The following ERRFI1 variants were observed in gnomAD, a reference collection of about 807,000 sequenced individuals.
ERRFI1 encodes mitogen-inducible gene 6 protein.
ERRFI1 carries 12 observed loss-of-function variants against 14.6 expected under a neutral mutation model. The observed-to-expected ratio is 0.82, with a 90% confidence interval of 0.53 to 1.33. ERRFI1 has a LOEUF of 1.33. Ranked by LOEUF, ERRFI1 falls within the 40% of genes most tolerant of loss-of-function variation. The pLI is 0.00. For synonymous variants in ERRFI1, 202 were observed against 209.9 expected (o/e 0.96, Z 0.32); for missense variants, 482 against 572.1 (o/e 0.84, Z 1.61).
Position 8,015,340 on chromosome 1 carries a change from T to G in ERRFI1, c.170A>C (p.Asn57Thr), listed in dbSNP as rs1187742737. 4 of 1,614,010 alleles carry G rather than the reference T, an allele frequency of 2.5e-6. No homozygotes were observed. Among genetic ancestry groups the G allele is most frequent in the Admixed American group, 1.7e-5 (1 of 60,008 alleles). Reference sequence around the variant, plus strand: ...TATTAGGCGCTCCTGAGCAGAAGAGTTCAGACTGTAGGCCATGGTTATCGG... The same window carrying G: ...TATTAGGCGCTCCTGAGCAGAAGAGGTCAGACTGTAGGCCATGGTTATCGG... ...IDPITMAYSLNSSAQERLIPL... is the reference protein window; with the variant it reads ...IDPITMAYSLTSSAQERLIPL... Residue 57 changes from asparagine (N) to threonine (T), a missense_variant, in exon 3 of 4, where the codon AAC becomes ACC. Asn to Thr is a moderately conservative substitution (Grantham distance 65). Transcript: ENST00000377482.
At chr1:8,024,204 T>C (rs1211265096) in intron 1 of ERRFI1, among the ~76,000 whole-genome samples, 2 of 152,196 alleles carry the variant, frequency 1.3e-5, no homozygotes, top group African/African-American at 4.8e-5. Context: ...GGAAGTATTA[T>C]CTAGCTCAAC....
intron 1 of ERRFI1, among the ~76,000 whole-genome samples, chr1:8,017,703 C>T (rs1048638615): frequency 6.6e-6 from 1 of 152,140 alleles, no homozygotes; most frequent in East Asian, 1.9e-4. Flanking sequence ...TGAAAGCACA[C>T]GTTTGAAGAT....
At chr1:8,015,713 G>C (rs1375002838) in intron 1 of ERRFI1, 21 bp from the exon 2 acceptor site, 2 of 1,497,182 alleles carry the variant, frequency 1.3e-6, no homozygotes, top group Admixed American at 1.9e-5. Context: ...GAAGAGATGA[G>C]AGAATAAAGA....
chr1:8,022,827 T>C (rs553251039), intron 1 of ERRFI1, among the ~76,000 whole-genome samples: 1 of 152,312 alleles, frequency 6.6e-6, no homozygotes, highest in South Asian at 2.1e-4. Context: ...CAAATATTTA[T>C]CAAGTGCTTA....
chr1:8,014,167 A>C lies in ERRFI1; in HGVS notation c.432T>G (p.Pro144=). 1 of 1,614,092 alleles carries C rather than the reference A, an allele frequency of 6.2e-7. No homozygotes were observed. The highest frequency in any genetic ancestry group is 8.5e-7 in the Non-Finnish European group (1 of 1,180,012). ...KNSPSLFPCA[P]LCERGSRPLP... is the part of the protein sequence containing the mutation. ...GAGGCCTAGAACCCCGTTCACAAAG[A>C]GGGGCACAGGGGAAAAGGGAAGGGG... Residue 144 remains proline (P), a synonymous_variant, in exon 4 of 4, where the codon CCT becomes CCG. Coordinates refer to ENST00000377482, the MANE Select transcript of ERRFI1 (RefSeq NM_018948.4).
chr1:8,021,442 CTA>C (rs1373242436), intron 1 of ERRFI1, among the ~76,000 whole-genome samples: 2 of 152,114 alleles, frequency 1.3e-5, no homozygotes, highest in African/African-American at 4.8e-5. Flanking sequence ...CAATCAGTAA[CTA>C]TATATACACA....
rs562303958 is a variant in ERRFI1 at position 8,012,056 on chromosome 1, C to A, written c.*1154G>T. 8.2e-5 allele frequency: 19 copies of A among 230,318 alleles called. 1 individual carries two copies. Among genetic ancestry groups the A allele is most frequent in the Middle Eastern group, 1.3e-3 (1 of 790 alleles). The allele number at this position is 230,318 out of a possible 1,614,324, so 14.3% of individuals were successfully genotyped here. ...AAGGATGTGAAAATCGGAACACCAA[C>A]TATGTGTCTCACTGCATCTAAGTGA... On this transcript the variant is annotated 3_prime_UTR_variant, in exon 4 of 4. Transcript: ENST00000377482.
At position 8,015,277 on chromosome 1, in the gene ERRFI1, C is replaced by A. The variant is rs1172686800; in HGVS notation, c.202+31G>T. 9 of 1,591,710 alleles carry A rather than the reference C, an allele frequency of 5.7e-6. No individual in the cohort carries two copies. The East Asian group carries it at 1.8e-4, about 32-fold the overall frequency. On this transcript the variant is annotated intron_variant, in intron 3 of 3. Transcript: ENST00000377482. ...GAATCCAGACTGTTCTTCTCAAATGCTTACTGTGATCAGATTTTCAGAATA... is the reference window on the plus strand; with the variant it reads ...GAATCCAGACTGTTCTTCTCAAATGATTACTGTGATCAGATTTTCAGAATA...
In ERRFI1 at chr1:8,013,420, A is replaced by G; in HGVS notation, c.1179T>C (p.His393=). Residue 393 remains histidine (H), a synonymous_variant, in exon 4 of 4, where the codon CAT becomes CAC. Coordinates refer to ENST00000377482, the MANE Select transcript of ERRFI1 (RefSeq NM_018948.4). This position sits in a 1 kb window ranked among gnomAD's most constrained non-coding sequence, Gnocchi z 4.3. ...GTGGTCGTTCAGGTAGTAGGTAATA[A>G]TGTGTTGAACTAACCTTCTTCCCAT... ...IENGKKVSST[H]YYLLPERPPY... is the part of the protein sequence containing the mutation. 6.2e-7 allele frequency: 1 copy of G among 1,614,204 alleles called. No individual in the cohort carries two copies. Among genetic ancestry groups the G allele is most frequent in the Non-Finnish European group, 8.5e-7 (1 of 1,180,044 alleles).
At position 8,015,659 on chromosome 1, in the gene ERRFI1, A is replaced by G; in HGVS notation, c.-40T>C. 1 of 1,612,898 alleles carries G rather than the reference A, an allele frequency of 6.2e-7. No homozygotes were observed. Among genetic ancestry groups the G allele is most frequent in the Non-Finnish European group, 8.5e-7 (1 of 1,179,308 alleles). The stretch of plus-strand genomic sequence containing the variant: ...GGACATCTCCAAACCTGTGAGGCCC[A>G]GGCACTTTAAAATCAACCAGTAGCT... On this transcript the variant is annotated 5_prime_UTR_variant, in exon 2 of 4. Coordinates refer to ENST00000377482, the MANE Select transcript of ERRFI1 (RefSeq NM_018948.4).
In ERRFI1 at chr1:8,014,374, C is replaced by T. The variant is rs553189755; in HGVS notation, c.225G>A (p.Pro75=). Residue 75 remains proline, a synonymous_variant, in exon 4 of 4, where the codon CCG becomes CCA. Transcript: ENST00000377482. ...IPLGHASKSA[P]MNGHCFAENG... ...TTTCTGCAAAGCAGTGGCCATTCAT[C>T]GGAGCAGATTTGGAAGCATGCCCTG... 2.7e-5 allele frequency: 43 copies of T among 1,590,534 alleles called. No individual in the cohort carries two copies. The Middle Eastern group carries it at 1.7e-3, about 63-fold the overall frequency.
At chr1:8,018,269 TA>T (rs999829911) in intron 1 of ERRFI1, among the ~76,000 whole-genome samples, 6 of 147,394 alleles carry the variant, frequency 4.1e-5, no homozygotes, top group South Asian at 4.3e-4. Flanking sequence ...AGGAAGCTTT[TA>T]AAAAAAATGT....
chr1:8,015,742 T>G (rs1327905122), intron 1 of ERRFI1, 50 bp from the exon 2 acceptor site: 1 of 1,228,718 alleles, frequency 8.1e-7, no homozygotes, highest in Non-Finnish European at 1.1e-6. Flanking sequence ...CAGAAATACC[T>G]CCATTAGGAC....
Position 8,014,101 on chromosome 1 carries a change from G to C in ERRFI1, c.498C>G (p.Asp166Glu), listed in dbSNP as rs2124060610. Residue 166 changes from aspartate (D) to glutamate (E), a missense_variant, in exon 4 of 4, where the codon GAC (aspartate) becomes GAG (glutamate). Transcript: ENST00000377482. ...LPISEALSLD[D>E]TDCEVEFLTS... The stretch of plus-strand genomic sequence containing the variant: ...TTAGGAATTCCACCTCACAGTCTGT[G>C]TCATCCAGAGAGAGGGCTTCAGAGA... The C allele has an allele frequency of 6.2e-7, 1 of 1,614,198 alleles. No homozygotes were observed. Among genetic ancestry groups the C allele is most frequent in the Non-Finnish European group, 8.5e-7 (1 of 1,180,046 alleles).
chr1:8,025,352 A>G (rs1237731168), intron 1 of ERRFI1, among the ~76,000 whole-genome samples: 2 of 152,234 alleles, frequency 1.3e-5, no homozygotes, highest in African/African-American at 4.8e-5. Context: ...AAAATTCCCA[A>G]TAAGCATTCA....
chr1:8,023,430 A>AC (rs1187265893), intron 1 of ERRFI1, among the ~76,000 whole-genome samples: 1 of 152,136 alleles, frequency 6.6e-6, no homozygotes, highest in African/African-American at 2.4e-5. Context: ...GACGTGTGCC[A>AC]CCATACCCAG....
At chr1:8,014,957 T>C (rs949384707) in intron 3 of ERRFI1, 7 of 250,494 alleles carry the variant, frequency 2.8e-5, no homozygotes, top group Admixed American at 2.0e-4. Context: ...TTTCATCTAT[T>C]ACTGTCAAAC....
rs1323700937 is a variant in ERRFI1 at position 8,013,443 on chromosome 1, C to G, written c.1156G>C (p.Gly386Arg). ...VPCILPIIEN[G>R]KKVSSTHYYL... ...TAATGTGTTGAACTAACCTTCTTCC[C>G]ATTTTCAATAATGGGCAGAATGCAA... Residue 386 changes from glycine to arginine, a missense_variant, in exon 4 of 4, where the codon GGG becomes CGG. Transcript: ENST00000377482. This position sits in a 1 kb window ranked among gnomAD's most constrained non-coding sequence, Gnocchi z 4.3. The G allele has an allele frequency of 1.2e-6, 2 of 1,614,206 alleles. No homozygotes were observed. Among genetic ancestry groups the G allele is most frequent in the Non-Finnish European group, 1.7e-6 (2 of 1,180,046 alleles).
At chr1:8,025,837 C>G (rs554927326) in intron 1 of ERRFI1, among the ~76,000 whole-genome samples, 4 of 152,226 alleles carry the variant, frequency 2.6e-5, no homozygotes, top group African/African-American at 9.6e-5. Context: ...ATGGCCCCGG[C>G]CAGCCGAGGG....
Sources: gnomAD v4.1 joint callset for allele counts (sites outside exome capture counted in the v4.1 genomes callset) on GRCh38, gnomAD v4.1.1 for gene constraint, Gnocchi (gnomAD v3.1) non-coding constraint, MANE v1.5 for transcripts, NCBI Gene and HGNC (gene_info 2026-07-23, HGNC 2026-07-21) for gene names.